The following CSMD1 variants were observed in gnomAD, a reference collection of about 807,000 sequenced individuals.
CSMD1 encodes the protein CUB and Sushi multiple domains 1, also known as CUB and sushi domain-containing protein 1.
A neutral mutation model predicts 417.5 loss-of-function variants in CSMD1; 213 were observed. The observed-to-expected ratio is 0.51, with a 90% confidence interval of 0.46 to 0.57. CSMD1 has a LOEUF of 0.57. Among genes scored for constraint, CSMD1 ranks in the 20% least tolerant of loss-of-function variants. The pLI, the probability that CSMD1 is intolerant of heterozygous loss-of-function variation, is 0.00. For missense variants in CSMD1, 6,923 were observed against 4,529.7 expected, an observed-to-expected ratio of 1.53 and a Z score of -15.17; for synonymous variants, 2,862 against 1,736.8, an observed-to-expected ratio of 1.65 and a Z score of -16.11.
chr8:4,296,697 T>A (rs1270743373), intron 3 of CSMD1, among the ~76,000 whole-genome samples: 9 of 3,384 alleles, frequency 2.7e-3, no homozygotes, highest in African/African-American at 6.6e-3. Flanking sequence ...AAAATAAGGG[T>A]TTTTTTTTTT....
intron 3 of CSMD1, among the ~76,000 whole-genome samples, chr8:4,417,506 T>A (rs1005738936): frequency 6.6e-6 from 1 of 152,056 alleles, no homozygotes; most frequent in South Asian, 2.1e-4. Context: ...CACAATTCCA[T>A]GTTTTAGTTA....
intron 7 of CSMD1, among the ~76,000 whole-genome samples, chr8:3,707,981 C>T (rs560066692): frequency 6.6e-6 from 1 of 152,166 alleles, no homozygotes; most frequent in Non-Finnish European, 1.5e-5. Flanking sequence ...GTAGACATTG[C>T]CCGAAAGCTA....
At chr8:4,762,084 G>A (rs1029298347) in intron 1 of CSMD1, among the ~76,000 whole-genome samples, 5 of 152,046 alleles carry the variant, frequency 3.3e-5, no homozygotes, top group African/African-American at 1.2e-4. Flanking sequence ...AAGTATAGTA[G>A]CTGGTGTTTT....
intron 2 of CSMD1, among the ~76,000 whole-genome samples, chr8:4,528,323 T>C (rs1282523997): frequency 6.6e-6 from 1 of 152,202 alleles, no homozygotes; most frequent in Non-Finnish European, 1.5e-5. Flanking sequence ...AAAGTTATTT[T>C]ATAGGAATAA....
intron 3 of CSMD1, among the ~76,000 whole-genome samples, chr8:4,305,476 T>C (rs1046008452): frequency 6.6e-6 from 1 of 152,166 alleles, no homozygotes; most frequent in Non-Finnish European, 1.5e-5. Flanking sequence ...ACTGTAAAAT[T>C]AATGTGCTTT....
At chr8:4,404,096 G>C (rs1280244867) in intron 3 of CSMD1, among the ~76,000 whole-genome samples, 3 of 152,088 alleles carry the variant, frequency 2.0e-5, no homozygotes, top group Admixed American at 2.0e-4. Context: ...ACTGCTTTAG[G>C]GAATGGTATT....
intron 2 of CSMD1, among the ~76,000 whole-genome samples, chr8:4,464,635 A>G (rs1021582735): frequency 6.6e-6 from 1 of 152,150 alleles, no homozygotes; most frequent in Admixed American, 6.5e-5. Context: ...TAAGAGTCCC[A>G]AGTTGAACCA....
At chr8:4,310,681 A>T (rs1798511557) in intron 3 of CSMD1, among the ~76,000 whole-genome samples, 1 of 152,206 alleles carries the variant, frequency 6.6e-6, no homozygotes, top group Admixed American at 6.5e-5. Context: ...GGCAAAACAA[A>T]GACACAACAA....
Position 3,369,240 on chromosome 8 carries a change from T to C in CSMD1, c.2899+14A>G, listed in dbSNP as rs113171472. On this transcript the variant is annotated intron_variant, in intron 19 of 69. Transcript: ENST00000635120. ...TATTAGTCTGTATGTTTGAGACCTA[T>C]GATAGATTCTTACCTTTCCCATGAG... The C allele has an allele frequency of 2.1e-3, 2,620 of 1,265,408 alleles. 42 individuals are homozygous for C. The African/African-American group carries it at 0.035, about 17-fold the overall frequency. 78.4% of individuals were successfully genotyped at this position (1,265,408 alleles called of 1,614,324 possible).
chr8:4,760,013 A>T (rs1811940298), intron 1 of CSMD1, among the ~76,000 whole-genome samples: 1 of 152,200 alleles, frequency 6.6e-6, no homozygotes, highest in African/African-American at 2.4e-5. Context: ...GGTTGAACTA[A>T]TTTACATTCC....
chr8:4,239,300 T>G (rs1391411771), intron 3 of CSMD1, among the ~76,000 whole-genome samples: 1 of 152,232 alleles, frequency 6.6e-6, no homozygotes, highest in East Asian at 1.9e-4. Flanking sequence ...TCTTTTTGTG[T>G]GGGCAACACC....
chr8:3,529,961 C>T (rs930604599), intron 10 of CSMD1, among the ~76,000 whole-genome samples: 4 of 152,194 alleles, frequency 2.6e-5, no homozygotes, highest in Admixed American at 6.5e-5. Flanking sequence ...AATTTGCCCA[C>T]GAAATGATGT....
At chr8:4,176,915 C>T (rs1416673888) in intron 3 of CSMD1, among the ~76,000 whole-genome samples, 5 of 149,382 alleles carry the variant, frequency 3.3e-5, no homozygotes, top group African/African-American at 7.4e-5. Flanking sequence ...TACAGGAGCA[C>T]CCAGATTCAT....
intron 1 of CSMD1, among the ~76,000 whole-genome samples, chr8:4,909,898 T>C (rs61629569): frequency 0.042 from 6,431 of 152,242 alleles, 447 homozygotes; most frequent in African/African-American, 0.15. Flanking sequence ...CCCAGCTTTT[T>C]CTTCTTATGA....
intron 23 of CSMD1, among the ~76,000 whole-genome samples, chr8:3,318,669 G>C (rs957606457): frequency 2.0e-5 from 3 of 152,148 alleles, no homozygotes; most frequent in African/African-American, 4.8e-5. Context: ...TATTATAGCA[G>C]GTGCATGACG....
chr8:3,562,682 T>C (rs1437521567), intron 10 of CSMD1, among the ~76,000 whole-genome samples: 1 of 152,012 alleles, frequency 6.6e-6, no homozygotes, highest in South Asian at 2.1e-4. Flanking sequence ...AAAGACACTA[T>C]TATAGTTAAT....
intron 2 of CSMD1, among the ~76,000 whole-genome samples, chr8:4,450,337 A>T (rs1028964239): frequency 6.6e-6 from 1 of 152,102 alleles, no homozygotes; most frequent in Non-Finnish European, 1.5e-5. Flanking sequence ...TTTTTTAAAG[A>T]TATTTAGTAG....
chr8:4,305,172 C>G (rs887357369), intron 3 of CSMD1, among the ~76,000 whole-genome samples: 2 of 152,134 alleles, frequency 1.3e-5, no homozygotes, highest in Non-Finnish European at 2.9e-5. Context: ...GTTTTTAACC[C>G]AATTACATCA....
intron 10 of CSMD1, among the ~76,000 whole-genome samples, chr8:3,497,039 AC>A (rs1435133206): frequency 6.6e-6 from 1 of 152,110 alleles, no homozygotes; most frequent in African/African-American, 2.4e-5. Context: ...AAATTTGTTG[AC>A]CCTTGTTTTG....
Sources: allele counts gnomAD v4.1 joint callset (sites outside exome capture counted in the v4.1 genomes callset), GRCh38; gene constraint gnomAD v4.1.1; transcripts MANE v1.5; gene names NCBI Gene and HGNC (gene_info 2026-07-23, HGNC 2026-07-21).